Variants in NPM2 observed in about 807,000 individuals in gnomAD.
NPM2 encodes nucleophosmin/nucleoplasmin 2.
In NPM2, 25 loss-of-function variants were observed where a neutral mutation model predicts 32.0. The observed-to-expected ratio is 0.78, with a 90% confidence interval of 0.57 to 1.09. NPM2 has a LOEUF of 1.09. NPM2 is among the 50% of genes least tolerant of loss of function. The probability of loss-of-function intolerance (pLI) is 0.00; values close to 1 mark genes in which losing one functional copy is unlikely to be tolerated. For synonymous variants in NPM2, 111 were observed against 94.2 expected (o/e 1.18, Z -1.04); for missense variants, 282 against 259.9 (o/e 1.08, Z -0.58).
At chr8:22,025,145 TG>T in intron 2 of NPM2, 70 bp from the exon 3 acceptor site, 1 of 1,313,222 alleles carries the variant, frequency 7.6e-7, no homozygotes, top group Non-Finnish European at 1.1e-6. Flanking sequence ...CGATGCCTGC[TG>T]GTCTCTGGCA....
chr8:22,025,844 A>T, intron 5 of NPM2, 72 bp downstream of exon 5: 3 of 1,597,388 alleles, frequency 1.9e-6, no homozygotes, highest in South Asian at 2.2e-5. Context: ...ATGGACACAC[A>T]CGAGGGTGCA....
In NPM2 at chr8:22,036,837, T is replaced by C. The variant is rs1054446361; in HGVS notation, c.*155T>C. The stretch of plus-strand genomic sequence containing the variant: ...AGCCCCTCACCCCCAACTCTCCACT[T>C]TCAGGAGGCCCCCAGTGAAGAGCCC... On this transcript the variant is annotated 3_prime_UTR_variant, in exon 10 of 10. Transcript: ENST00000518119. 8 of 708,560 alleles carry C rather than the reference T, an allele frequency of 1.1e-5. No individual in the cohort carries two copies. The African/African-American group carries it at 1.5e-4, about 13-fold the overall frequency. 43.9% of individuals were successfully genotyped at this position (708,560 alleles called of 1,614,324 possible).
At chr8:22,027,495 C>G (rs1287830594) in intron 5 of NPM2, among the ~76,000 whole-genome samples, 3 of 152,190 alleles carry the variant, frequency 2.0e-5, no homozygotes, top group African/African-American at 7.2e-5. Flanking sequence ...CCAAATTTAA[C>G]ATGTCTAAAT....
chr8:22,027,423 C>T (rs1025361980), intron 5 of NPM2, among the ~76,000 whole-genome samples: 2 of 152,122 alleles, frequency 1.3e-5, no homozygotes, highest in African/African-American at 4.8e-5. Context: ...TAAACTCAAC[C>T]TCTCTTGAGC....
chr8:22,030,120 A>G (rs1214416555), intron 5 of NPM2, among the ~76,000 whole-genome samples: 4 of 152,022 alleles, frequency 2.6e-5, no homozygotes, highest in East Asian at 3.8e-4. Context: ...AGCTCCCCCA[A>G]TGTTTCTTTA....
chr8:22,025,638 C>T lies in NPM2; in HGVS notation c.145-9C>T. ...GTGATGAGGGGCCTCTATTTTCAAC[C>T]CCGCTCAGATTTGCTTGGGGGAGAA... On this transcript the variant is annotated splice_polypyrimidine_tract_variant and intron_variant, in intron 4 of 9. Coordinates refer to ENST00000518119, the MANE Select transcript of NPM2 (RefSeq NM_001286680.2). The T allele has an allele frequency of 6.2e-7, 1 of 1,614,148 alleles. No individual in the cohort carries two copies. Among genetic ancestry groups the T allele is most frequent in the Non-Finnish European group, 8.5e-7 (1 of 1,180,016 alleles).
At position 22,036,710 on chromosome 8, in the gene NPM2, A is replaced by G. The variant is rs1462069133; in HGVS notation, c.*28A>G. ...AGCCACGCCTTGGGGGGCACGGTGC[A>G]AAGTGGGCCTTCCCTGGGCTGTGCT... On this transcript the variant is annotated 3_prime_UTR_variant, in exon 10 of 10. Transcript: ENST00000518119. 6.5e-7 allele frequency: 1 copy of G among 1,539,144 alleles called. No homozygotes were observed. Among genetic ancestry groups the G allele is most frequent in the East Asian group, 2.4e-5 (1 of 40,872 alleles).
chr8:22,029,142 T>C (rs1800353118), intron 5 of NPM2, among the ~76,000 whole-genome samples: 1 of 152,196 alleles, frequency 6.6e-6, no homozygotes, highest in Non-Finnish European at 1.5e-5. Context: ...TTCTCCTTTT[T>C]TTATTTTTTT....
rs1233700081 is a variant in NPM2 at position 22,034,168 on chromosome 8, G to T, written c.424G>T (p.Glu142Ter). 6.2e-7 allele frequency: 1 copy of T among 1,612,840 alleles called. No homozygotes were observed. The highest frequency in any genetic ancestry group is 8.5e-7 in the Non-Finnish European group (1 of 1,179,508). ...AGAAGAAGGGGAGGAGGAGGAAGAG[G>T]AAGAGGAAGATGATGAGGATGAGGA... The part of the protein sequence containing the change: ...EEEEGEEEEE[E>*]EEDDEDEDAD... Residue 142 changes from glutamate (E) to a stop codon, truncating the protein, a stop_gained, in exon 7 of 10, where the codon GAA (glutamate) becomes TAA (stop). Coordinates refer to ENST00000518119, the MANE Select transcript of NPM2 (RefSeq NM_001286680.2). LOFTEE classifies it high-confidence loss of function.
At chr8:22,025,002 G>A in intron 2 of NPM2, 172 bp downstream of exon 2, 1 of 533,616 alleles carries the variant, frequency 1.9e-6, no homozygotes, top group Non-Finnish European at 3.3e-6. Context: ...GAGTCCCGCT[G>A]TCCTGTACGC....
In NPM2 at chr8:22,036,460, A is replaced by C. The variant is rs1389551956; in HGVS notation, c.567-33A>C. 3.1e-6 allele frequency: 5 copies of C among 1,594,688 alleles called. No homozygotes were observed. In the African/African-American group the frequency reaches 6.7e-5, roughly 21 times the overall value. Reference sequence around the variant, plus strand: ...GAGCTGAGCTCTCTCCCTGACCCCAATCCCACTCCTGCTCCGCTCCACCCT... The same window carrying C: ...GAGCTGAGCTCTCTCCCTGACCCCACTCCCACTCCTGCTCCGCTCCACCCT... On this transcript the variant is annotated intron_variant, in intron 8 of 9. Transcript: ENST00000518119.
At chr8:22,036,423 G>T in intron 8 of NPM2, 70 bp from the exon 9 acceptor site, 1 of 1,509,898 alleles carries the variant, frequency 6.6e-7, no homozygotes, top group Non-Finnish European at 9.0e-7. Context: ...GGAGGGCCAC[G>T]CCGCTGGTCT....
chr8:22,030,930 C>G (rs1342993330), intron 5 of NPM2, among the ~76,000 whole-genome samples: 1 of 152,176 alleles, frequency 6.6e-6, no homozygotes, highest in Non-Finnish European at 1.5e-5. Context: ...TTGACTCTAG[C>G]TGGATTGTTT....
In NPM2 at chr8:22,025,296, C is replaced by G; in HGVS notation, c.48C>G (p.Thr16=). 1 of 1,610,066 alleles carries G rather than the reference C, an allele frequency of 6.2e-7. No homozygotes were observed. Among genetic ancestry groups the G allele is most frequent in the Non-Finnish European group, 8.5e-7 (1 of 1,178,586 alleles). ...ASSTEEKAVT[T]VLWGCELSQE... ...GCACGGAGGAAAAGGCAGTGACGAC[C>G]GTGCTCTGGGGTGAGTGGGGACTCA... Residue 16 remains threonine, a synonymous_variant, in exon 3 of 10, where the codon ACC becomes ACG. Transcript: ENST00000518119.
Position 22,034,158 on chromosome 8 carries a change from G to GGAGGAA in NPM2, c.429_434dup (p.Glu143_Glu144dup), listed in dbSNP as rs532630336. The GGAGGAA allele has an allele frequency of 8.1e-6, 13 of 1,611,964 alleles. No individual in the cohort carries two copies. The highest frequency in any genetic ancestry group is 6.7e-5 in the East Asian group (3 of 44,876). ...AGGAGGAGGAAGAAGAAGGGGAGGAGGAGGAAGAGGAAGAGGAAGATGATG... is the reference window on the plus strand; with the variant it reads ...AGGAGGAGGAAGAAGAAGGGGAGGAGGAGGAAGAGGAAGAGGAAGAGGAAGATGATG... On this transcript the variant is annotated inframe_insertion, in exon 7 of 10. Coordinates refer to ENST00000518119, the MANE Select transcript of NPM2 (RefSeq NM_001286680.2).
chr8:22,036,896 G>C lies in NPM2; in HGVS notation c.*214G>C. On this transcript the variant is annotated 3_prime_UTR_variant, in exon 10 of 10. Transcript: ENST00000518119. Reference sequence around the variant, plus strand: ...GGTCACAATAAAGTTGCCTGGTCAGGACTTTCCTTCTCTTCCCTGGAGCCA... The same window carrying C: ...GGTCACAATAAAGTTGCCTGGTCAGCACTTTCCTTCTCTTCCCTGGAGCCA... The C allele has an allele frequency of 1.8e-6, 1 of 551,048 alleles. No homozygotes were observed. The highest frequency in any genetic ancestry group is 3.1e-6 in the Non-Finnish European group (1 of 317,930). 34.1% of individuals were successfully genotyped at this position (551,048 alleles called of 1,614,324 possible).
At chr8:22,028,433 C>G (rs1800327713) in intron 5 of NPM2, among the ~76,000 whole-genome samples, 1 of 145,972 alleles carries the variant, frequency 6.9e-6, no homozygotes, top group Admixed American at 7.0e-5. Flanking sequence ...TCACTGCAAC[C>G]TCCACCTCCT....
chr8:22,036,502 T>C lies in NPM2; in HGVS notation c.576T>C (p.Val192=). The change falls in exon 9 of 10, where the codon GTT becomes GTC. Residue 192 remains valine (V), a synonymous_variant. Coordinates refer to ENST00000518119, the MANE Select transcript of NPM2 (RefSeq NM_001286680.2). The part of the protein sequence containing the change: ...EKEEEEIRAS[V]RDKSPVKKAK... The stretch of plus-strand genomic sequence containing the variant: ...CTCCACCCTGTTGCAGAGCCAGCGT[T>C]AGAGACAAGAGCCCTGTGAAAAAGG... 1 of 1,605,032 alleles carries C rather than the reference T, an allele frequency of 6.2e-7. No individual in the cohort carries two copies.
chr8:22,034,300 G>A, intron 7 of NPM2, 25 bp downstream of exon 7: 1 of 1,558,646 alleles, frequency 6.4e-7, no homozygotes, highest in East Asian at 2.2e-5. Context: ...GTGGCTGTTT[G>A]GAAGGAAGTG....
Sources: gnomAD v4.1 joint callset for allele counts (sites outside exome capture counted in the v4.1 genomes callset) on GRCh38, gnomAD v4.1.1 for gene constraint, MANE v1.5 for transcripts, NCBI Gene and HGNC (gene_info 2026-07-23, HGNC 2026-07-21) for gene names.